SSH2: variants seen among roughly 807,000 people sequenced by gnomAD.
SSH2 encodes the protein protein phosphatase Slingshot homolog 2.
Under a neutral mutation model 135.2 loss-of-function variants are expected in SSH2, and 37 were observed. That is an observed-to-expected ratio of 0.27 (90% confidence interval 0.21 to 0.36). SSH2 has a LOEUF of 0.36. Ranked by LOEUF, SSH2 falls within the 10% of genes least tolerant of loss-of-function variation. The pLI is 1.00. For synonymous variants in SSH2, 628 were observed against 646.2 expected (o/e 0.97, Z 0.43); for missense variants, 1,408 against 1,765.3 (o/e 0.80, Z 3.63).
At chr17:29,759,175 A>T (rs1460568577) in intron 3 of SSH2, among the ~76,000 whole-genome samples, 1 of 152,006 alleles carries the variant, frequency 6.6e-6, no homozygotes, top group East Asian at 1.9e-4. Context: ...AGCTGAGACT[A>T]TAGGCATGCG....
chr17:29,694,089 T>C (rs965019603), intron 5 of SSH2, among the ~76,000 whole-genome samples: 1 of 152,094 alleles, frequency 6.6e-6, no homozygotes, highest in Non-Finnish European at 1.5e-5. Flanking sequence ...TGAGATATTG[T>C]GATTTTTTTT....
chr17:29,873,047 T>C (rs1330731836), intron 1 of SSH2, among the ~76,000 whole-genome samples: 5 of 152,092 alleles, frequency 3.3e-5, no homozygotes, highest in Non-Finnish European at 7.4e-5. Flanking sequence ...AATAGAACTC[T>C]GAAGTGCTTC....
intron 2 of SSH2, among the ~76,000 whole-genome samples, chr17:29,794,937 T>A (rs1599010229): frequency 6.6e-6 from 1 of 152,232 alleles, no homozygotes; most frequent in African/African-American, 2.4e-5. Flanking sequence ...ATGAAGAGGC[T>A]TTTTCTTTAA....
chr17:29,667,287 GGAAA>G, intron 9 of SSH2, 64 bp from the exon 10 acceptor site: 1 of 1,174,312 alleles, frequency 8.5e-7, no homozygotes. Context: ...TTCTTAAATG[GGAAA>G]GAAAGAAGAA....
rs1487552134 is a variant in SSH2 at position 29,833,717 on chromosome 17, CCTTCCCTCCCTCCCTA to C, written c.144+15116_144+15131del. Among the ~76,000 whole-genome samples the C allele has an allele frequency of 6.6e-5, 7 of 105,452 alleles. No homozygotes were observed. The East Asian group carries it at 9.9e-4, about 15-fold the overall frequency. 69.2% of individuals were successfully genotyped at this position (105,452 alleles called of 152,430 possible). ...CTTCCTTCCCTCCCTCTCTTTCCCT[CCTTCCCTCCCTCCCTA>C]CTTCCCTCCCTTCCTTCTTTCCTCC... On this transcript the variant is annotated intron_variant, in intron 2 of 15. Transcript: ENST00000540801.
chr17:29,803,654 G>C (rs1404172281), intron 2 of SSH2, among the ~76,000 whole-genome samples: 1 of 152,144 alleles, frequency 6.6e-6, no homozygotes, highest in South Asian at 2.1e-4. Flanking sequence ...ACAAGAATTT[G>C]CAGCCATCTT....
At chr17:29,908,591 C>A (rs185172473) in intron 1 of SSH2, among the ~76,000 whole-genome samples, 1 of 151,800 alleles carries the variant, frequency 6.6e-6, no homozygotes, top group East Asian at 1.9e-4. Context: ...ATGGTGAACC[C>A]CGTCTCTACT....
intron 1 of SSH2, among the ~76,000 whole-genome samples, chr17:29,887,504 G>A (rs1204430923): frequency 1.3e-5 from 2 of 152,190 alleles, no homozygotes; most frequent in Non-Finnish European, 2.9e-5. Context: ...GGTCTCTGAA[G>A]TCGGATTGCC....
At position 29,632,133 on chromosome 17, in the gene SSH2, G is replaced by T. The variant is rs1432953764; in HGVS notation, c.3061C>A (p.Gln1021Lys). ...GGGACTGCTTGTGTTTCAGACTCCT[G>T]GTATGGAATCACAGTCCTCAGATCC... ...LKDLRTVIPY[Q>K]ESETQAVPLP... Residue 1021 changes from glutamine to lysine, a missense_variant, in exon 16 of 16, where the codon CAG becomes AAG. Physicochemically the swap from Gln to Lys is moderately conservative, Grantham distance 53 (BLOSUM62 1). Coordinates refer to ENST00000540801, the MANE Select transcript of SSH2 (RefSeq NM_001282129.2). 6.2e-7 allele frequency: 1 copy of T among 1,614,060 alleles called. No individual in the cohort carries two copies. The highest frequency in any genetic ancestry group is 8.5e-7 in the Non-Finnish European group (1 of 1,180,010).
At chr17:29,732,298 A>C (rs2040224158) in intron 3 of SSH2, among the ~76,000 whole-genome samples, 1 of 152,190 alleles carries the variant, frequency 6.6e-6, no homozygotes, top group Admixed American at 6.5e-5. Flanking sequence ...ATAAATGCAA[A>C]TTATTATTCT....
chr17:29,672,114 G>A lies in SSH2; in HGVS notation c.630C>T (p.Ser210=). The A allele has an allele frequency of 6.2e-7, 1 of 1,613,802 alleles. No individual in the cohort carries two copies. The highest frequency in any genetic ancestry group is 1.1e-5 in the South Asian group (1 of 91,056). Residue 210 remains serine, a synonymous_variant, in exon 9 of 16, where the codon AGC becomes AGT. Transcript: ENST00000540801. ...SVQAMWSALQ[S]LHKACEVARA... is the part of the protein sequence containing the mutation. ...TGGCGACTTCACAAGCCTTGTGTAA[G>A]CTCTGTAGTGCAGACCTGAAAGACA...
At chr17:29,691,874 C>T (rs1474872847) in intron 5 of SSH2, among the ~76,000 whole-genome samples, 1 of 151,594 alleles carries the variant, frequency 6.6e-6, no homozygotes, top group South Asian at 2.1e-4. Flanking sequence ...CGCGGTGGCT[C>T]ATGCCTGTAA....
chr17:29,716,708 G>A, intron 3 of SSH2: 1 of 592,918 alleles, frequency 1.7e-6, no homozygotes, highest in Non-Finnish European at 3.2e-6. Flanking sequence ...ACTGGAAGAT[G>A]GCAGTTCCGG....
chr17:29,788,436 T>C (rs1181947418), intron 3 of SSH2, among the ~76,000 whole-genome samples: 1 of 152,188 alleles, frequency 6.6e-6, no homozygotes, highest in Non-Finnish European at 1.5e-5. Context: ...CCATTGGCTC[T>C]CCTAGTTCTT....
chr17:29,824,145 C>A (rs1227101933), intron 2 of SSH2, among the ~76,000 whole-genome samples: 1 of 152,096 alleles, frequency 6.6e-6, no homozygotes, highest in Non-Finnish European at 1.5e-5. Flanking sequence ...ACTTACTAGT[C>A]ATGATATTTT....
At chr17:29,861,695 C>T (rs1381450414) in intron 1 of SSH2, among the ~76,000 whole-genome samples, 1 of 151,992 alleles carries the variant, frequency 6.6e-6, no homozygotes, top group Non-Finnish European at 1.5e-5. Context: ...TCCCAAGTAG[C>T]TGGGACTACA....
intron 3 of SSH2, among the ~76,000 whole-genome samples, chr17:29,765,855 A>ATT (rs996045360): frequency 1.1e-4 from 17 of 151,986 alleles, no homozygotes; most frequent in African/African-American, 3.9e-4. Flanking sequence ...CTCCTTCTCT[A>ATT]TTAAAAATAC....
intron 3 of SSH2, among the ~76,000 whole-genome samples, chr17:29,725,043 A>G (rs2039952615): frequency 6.6e-6 from 1 of 151,986 alleles, no homozygotes; most frequent in Admixed American, 6.6e-5. Context: ...ACAGCAATGA[A>G]CTTTTATAAA....
chr17:29,704,667 T>A (rs528405833), intron 3 of SSH2, among the ~76,000 whole-genome samples: 1 of 145,010 alleles, frequency 6.9e-6, no homozygotes, highest in Non-Finnish European at 1.5e-5. Context: ...GGCGCCATTG[T>A]ACTCCAGCTG....
Sources: gnomAD v4.1 joint callset for allele counts (sites outside exome capture counted in the v4.1 genomes callset) on GRCh38, gnomAD v4.1.1 for gene constraint, MANE v1.5 for transcripts, NCBI Gene and HGNC (gene_info 2026-07-23, HGNC 2026-07-21) for gene names.